EXT1: variants seen among roughly 807,000 people sequenced by gnomAD.
EXT1 encodes exostosin glycosyltransferase 1, also known as exostosin-1.
Under a neutral mutation model 82.5 loss-of-function variants are expected in EXT1, and 20 were observed. The ratio of observed to expected loss-of-function variants is 0.24; its 90% CI spans 0.17 to 0.35. EXT1 has a LOEUF of 0.35. EXT1 is among the 10% of genes least tolerant of loss of function. The pLI, the probability that EXT1 is intolerant of heterozygous loss-of-function variation, is 1.00. For missense variants in EXT1, 757 were observed against 936.5 expected (o/e 0.81, Z 2.50); for synonymous variants, 348 against 350.8 (o/e 0.99, Z 0.09).
intron 1 of EXT1, among the ~76,000 whole-genome samples, chr8:117,933,834 C>T (rs1480937629): frequency 3.9e-5 from 6 of 152,170 alleles, no homozygotes; most frequent in Admixed American, 6.5e-5. Flanking sequence ...TCACATTGCT[C>T]GTCTTAATTG....
At chr8:117,875,339 T>G (rs912422260) in intron 1 of EXT1, among the ~76,000 whole-genome samples, 7 of 152,078 alleles carry the variant, frequency 4.6e-5, no homozygotes, top group Non-Finnish European at 8.8e-5. Context: ...GAGAACCGCT[T>G]GAACCCGGGA....
intron 7 of EXT1, among the ~76,000 whole-genome samples, chr8:117,813,228 C>A (rs745883743): frequency 1.3e-5 from 2 of 152,182 alleles, no homozygotes; most frequent in Non-Finnish European, 2.9e-5. Context: ...TTGAAGAGTT[C>A]ATGGTCTGTA....
In EXT1 at chr8:117,821,735, T is replaced by C. The variant is rs1367299679; in HGVS notation, c.1417+730A>G. On this transcript the variant is annotated intron_variant, in intron 5 of 10. Coordinates refer to ENST00000378204, the MANE Select transcript of EXT1 (RefSeq NM_000127.3). ...TTGCTGTATCAGCTTGGAAGATGCT[T>C]TCCTGTCCTAGGCTTTCTCAAGTTT... is the stretch of plus-strand genomic sequence containing the variant. Among the ~76,000 whole-genome samples the C allele has an allele frequency of 2.6e-5, 4 of 152,314 alleles. No individual in the cohort carries two copies. The East Asian group carries it at 7.7e-4, about 29-fold the overall frequency.
intron 1 of EXT1, among the ~76,000 whole-genome samples, chr8:118,074,879 T>C (rs575844704): frequency 4.6e-5 from 7 of 152,072 alleles, no homozygotes; most frequent in African/African-American, 7.2e-5. Flanking sequence ...TCTGGGCAAA[T>C]TGGAAGGAAT....
In EXT1 at chr8:118,074,073, C is replaced by T. The variant is rs114105499; in HGVS notation, c.962+36012G>A. Among the ~76,000 whole-genome samples the T allele has an allele frequency of 3.9e-3, 539 of 138,936 alleles. 2 individuals are homozygous for T. The highest frequency in any genetic ancestry group is 0.014 in the African/African-American group (511 of 37,584). The allele number at this position is 138,936 out of a possible 152,430, so 91.1% of individuals were successfully genotyped here. On this transcript the variant is annotated intron_variant, in intron 1 of 10. Coordinates refer to ENST00000378204, the MANE Select transcript of EXT1 (RefSeq NM_000127.3). ...CAAAGAATTAAGGAAAAGGCAAAAC[C>T]GGAATGGGGGTGGGGTGGGAGTGGG...
intron 1 of EXT1, among the ~76,000 whole-genome samples, chr8:118,027,084 A>T (rs1445916031): frequency 1.3e-5 from 2 of 152,176 alleles, no homozygotes; most frequent in African/African-American, 4.8e-5. Context: ...CCAAAAAGAA[A>T]GGTAGTTCTA....
chr8:117,980,382 T>C (rs1815164784), intron 1 of EXT1, among the ~76,000 whole-genome samples: 1 of 152,158 alleles, frequency 6.6e-6, no homozygotes, highest in Admixed American at 6.5e-5. Context: ...CCATCGCCAC[T>C]GTCACCTCCC....
intron 1 of EXT1, among the ~76,000 whole-genome samples, chr8:118,058,815 G>C (rs758354346): frequency 3.3e-5 from 5 of 152,104 alleles, no homozygotes; most frequent in Non-Finnish European, 7.4e-5. Context: ...ACTGATTAAC[G>C]AATGAATGGA....
intron 1 of EXT1, among the ~76,000 whole-genome samples, chr8:118,081,811 T>C (rs1490849468): frequency 6.6e-6 from 1 of 152,236 alleles, no homozygotes; most frequent in Non-Finnish European, 1.5e-5. Flanking sequence ...TAACAGTCTC[T>C]TACCCTGCCC....
At chr8:118,067,258 G>A (rs1427640977) in intron 1 of EXT1, among the ~76,000 whole-genome samples, 1 of 152,224 alleles carries the variant, frequency 6.6e-6, no homozygotes. Flanking sequence ...GGCTGGAGAC[G>A]TCTTCCTCCT....
chr8:117,885,201 A>C (rs922915057), intron 1 of EXT1, among the ~76,000 whole-genome samples: 1 of 152,242 alleles, frequency 6.6e-6, no homozygotes, highest in African/African-American at 2.4e-5. Context: ...TTCAGGACAG[A>C]AAGTATTAGG....
chr8:117,943,726 G>A (rs547472852), intron 1 of EXT1, among the ~76,000 whole-genome samples: 1 of 152,322 alleles, frequency 6.6e-6, no homozygotes, highest in East Asian at 1.9e-4. Context: ...AATAATGTAC[G>A]TGTGTATTTT....
At chr8:118,079,647 C>CT in intron 1 of EXT1, among the ~76,000 whole-genome samples, 1 of 152,134 alleles carries the variant, frequency 6.6e-6, no homozygotes, top group East Asian at 1.9e-4. Flanking sequence ...GCCATTTCTT[C>CT]TAACACCGCC....
intron 1 of EXT1, among the ~76,000 whole-genome samples, chr8:118,006,076 T>C (rs1012129971): frequency 1.3e-5 from 2 of 152,268 alleles, no homozygotes; most frequent in Non-Finnish European, 2.9e-5. Context: ...CTCTCAGGTA[T>C]ACTCAGCTAG....
intron 1 of EXT1, among the ~76,000 whole-genome samples, chr8:117,857,858 A>C (rs1265140222): frequency 6.6e-6 from 1 of 152,250 alleles, no homozygotes; most frequent in East Asian, 1.9e-4. Flanking sequence ...AGATGCCATA[A>C]AGAACATTCA....
chr8:117,932,130 TAG>T (rs1415393847), intron 1 of EXT1, among the ~76,000 whole-genome samples: 6 of 152,168 alleles, frequency 3.9e-5, no homozygotes, highest in African/African-American at 9.7e-5. Flanking sequence ...AGTAGAAAAA[TAG>T]AGTCTCAGGC....
chr8:118,066,318 T>A (rs1816985637), intron 1 of EXT1, among the ~76,000 whole-genome samples: 1 of 150,892 alleles, frequency 6.6e-6, no homozygotes, highest in Non-Finnish European at 1.5e-5. Context: ...TTAATAACAT[T>A]TTCTTTTCTC....
chr8:118,015,108 G>C (rs1815977225), intron 1 of EXT1, among the ~76,000 whole-genome samples: 1 of 152,180 alleles, frequency 6.6e-6, no homozygotes, highest in Admixed American at 6.5e-5. Context: ...CTGCAAGACA[G>C]ATTAATCTAA....
intron 1 of EXT1, among the ~76,000 whole-genome samples, chr8:117,910,760 T>C (rs1586279682): frequency 6.6e-6 from 1 of 152,206 alleles, no homozygotes; most frequent in East Asian, 1.9e-4. Flanking sequence ...CAGGACCAAA[T>C]GCTTTGACTC....
Sources: allele counts gnomAD v4.1 joint callset (sites outside exome capture counted in the v4.1 genomes callset), GRCh38; gene constraint gnomAD v4.1.1; transcripts MANE v1.5; gene names NCBI Gene and HGNC (gene_info 2026-07-23, HGNC 2026-07-21).